The following CAMSAP1 variants were observed in gnomAD, a reference collection of about 807,000 sequenced individuals.
CAMSAP1 encodes calmodulin regulated spectrin associated protein 1.
CAMSAP1 carries 58 observed loss-of-function variants against 143.5 expected under a neutral mutation model. The observed-to-expected ratio is 0.40, with a 90% CI of 0.33 to 0.50. The LOEUF is 0.50. Among genes scored for constraint, CAMSAP1 ranks in the 20% least tolerant of loss-of-function variants. The pLI, the probability that CAMSAP1 is intolerant of heterozygous loss-of-function variation, is 0.45. For synonymous variants in CAMSAP1, 945 were observed against 859.3 expected, an observed-to-expected ratio of 1.10 and a Z score of -1.74; for missense variants, 1,969 against 2,115.7, an observed-to-expected ratio of 0.93 and a Z score of 1.36.
At position 135,821,731 on chromosome 9, in the gene CAMSAP1, T is replaced by C; in HGVS notation, c.2930A>G (p.Glu977Gly). Reference sequence around the variant, plus strand: ...ATGTTGCTGAGCAAAGGCCAGGCTCTCTTTGTCCACATCCTGTGGCTCGTG... The same window carrying C: ...ATGTTGCTGAGCAAAGGCCAGGCTCCCTTTGTCCACATCCTGTGGCTCGTG... Reference protein sequence around the residue: ...LLHEPQDVDKESLAFAQQHKA... With the variant: ...LLHEPQDVDKGSLAFAQQHKA... The change falls in exon 11 of 17, where the codon GAG becomes GGG. Residue 977 changes from glutamate to glycine, a missense_variant. Glu to Gly is a moderately conservative substitution (Grantham distance 98, BLOSUM62 -2). Transcript: ENST00000389532. This position sits in a 1 kb window ranked among gnomAD's most constrained non-coding sequence, Gnocchi z 4.6. 6.2e-7 allele frequency: 1 copy of C among 1,614,040 alleles called. No homozygotes were observed. The highest frequency in any genetic ancestry group is 8.5e-7 in the Non-Finnish European group (1 of 1,179,884).
intron 7 of CAMSAP1, among the ~76,000 whole-genome samples, chr9:135,843,973 TAGAA>T (rs1836460017): frequency 6.6e-6 from 1 of 150,876 alleles, no homozygotes; most frequent in Non-Finnish European, 1.5e-5. Flanking sequence ...CTTAGAGACC[TAGAA>T]AGAGACTTAC....
At chr9:135,898,051 T>TA (rs1215802098) in intron 1 of CAMSAP1, among the ~76,000 whole-genome samples, 2 of 152,130 alleles carry the variant, frequency 1.3e-5, no homozygotes, top group African/African-American at 4.8e-5. Context: ...ACTAGAGTCT[T>TA]ACATCAGAAA....
intron 5 of CAMSAP1, among the ~76,000 whole-genome samples, chr9:135,858,063 G>C (rs559081288): frequency 2.0e-5 from 3 of 151,856 alleles, no homozygotes; most frequent in African/African-American, 7.3e-5. Flanking sequence ...CTGTCCACCA[G>C]CATCCTTGGT....
chr9:135,816,062 C>G (rs1339721845), intron 14 of CAMSAP1, 57 bp from the exon 15 acceptor site: 1 of 1,538,634 alleles, frequency 6.5e-7, no homozygotes, highest in African/African-American at 1.4e-5. Context: ...CCTCTCACCA[C>G]TGCTGGCAAG....
rs1431097249 is a variant in CAMSAP1, at chr9:135,818,224, G to A, written c.4169-145C>T. 24 of 1,107,378 alleles carry A rather than the reference G, an allele frequency of 2.2e-5. No homozygotes were observed. The highest frequency in any genetic ancestry group is 2.9e-5 in the Non-Finnish European group (23 of 781,480). The allele number at this position is 1,107,378 out of a possible 1,614,324, so 68.6% of individuals were successfully genotyped here. On this transcript the variant is annotated intron_variant, in intron 13 of 16. Coordinates refer to ENST00000389532, the MANE Select transcript of CAMSAP1 (RefSeq NM_015447.4). This position sits in a 1 kb window ranked among gnomAD's most constrained non-coding sequence, Gnocchi z 7.7. Reference sequence around the variant, plus strand: ...ACCCCATCCCGGGGAGCCGGGCTGCGCCTGGATGTGCCGCACATCTCAGAG... The same window carrying A: ...ACCCCATCCCGGGGAGCCGGGCTGCACCTGGATGTGCCGCACATCTCAGAG...
chr9:135,900,236 C>G (rs1226385604), intron 1 of CAMSAP1, among the ~76,000 whole-genome samples: 1 of 152,062 alleles, frequency 6.6e-6, no homozygotes, highest in Non-Finnish European at 1.5e-5. Flanking sequence ...GTTGCCCAGG[C>G]TGGTCTCAAT....
intron 14 of CAMSAP1, 114 bp downstream of exon 14, chr9:135,817,863 T>G: frequency 1.3e-6 from 1 of 790,814 alleles, no homozygotes; most frequent in Non-Finnish European, 2.0e-6. Flanking sequence ...AATGTGAAAT[T>G]ATATCAAAAT....
intron 1 of CAMSAP1, among the ~76,000 whole-genome samples, chr9:135,886,318 A>G (rs1838120268): frequency 6.6e-6 from 1 of 152,186 alleles, no homozygotes; most frequent in Non-Finnish European, 1.5e-5. Flanking sequence ...GGTGTCACAC[A>G]GGATGAGTGC....
At chr9:135,873,204 A>G (rs1358032231) in intron 3 of CAMSAP1, among the ~76,000 whole-genome samples, 5 of 152,226 alleles carry the variant, frequency 3.3e-5, no homozygotes, top group Non-Finnish European at 5.9e-5. Context: ...GTATCTGAAA[A>G]TTAAACATCT....
chr9:135,824,289 A>G lies in CAMSAP1; in HGVS notation c.1316-255T>C, dbSNP rs1835593014. ...ACTCTGTGTCTACTACACAGAAGGT[A>G]ATTGCTCTCAACGATATTTTCACTG... On this transcript the variant is annotated intron_variant, in intron 9 of 16. Transcript: ENST00000389532. This position sits in a 1 kb window ranked among gnomAD's most constrained non-coding sequence, Gnocchi z 4.1. Among the ~76,000 whole-genome samples the G allele has an allele frequency of 1.3e-5, 2 of 152,198 alleles. No individual in the cohort carries two copies. The highest frequency in any genetic ancestry group is 1.3e-4 in the Admixed American group (2 of 15,286).
Position 135,817,957 on chromosome 9 carries a change from G to T in CAMSAP1, c.4271+20C>A. 1.2e-6 allele frequency: 2 copies of T among 1,610,372 alleles called. No individual in the cohort carries two copies. Among genetic ancestry groups the T allele is most frequent in the Non-Finnish European group, 8.5e-7 (1 of 1,177,092 alleles). Reference sequence around the variant, plus strand: ...GAACGTCCTCCAGCCCCGTGCCGGCGGCCGTCTCAGGCCCCTTACCGCTGA... The same window carrying T: ...GAACGTCCTCCAGCCCCGTGCCGGCTGCCGTCTCAGGCCCCTTACCGCTGA... On this transcript the variant is annotated intron_variant, in intron 14 of 16. Coordinates refer to ENST00000389532, the MANE Select transcript of CAMSAP1 (RefSeq NM_015447.4).
rs1337838834 is a variant in CAMSAP1, at chr9:135,809,770, G to C, written c.*1539C>G. 6.6e-6 allele frequency: 1 copy of C among 152,612 alleles called. No homozygotes were observed. The highest frequency in any genetic ancestry group is 2.4e-5 in the African/African-American group (1 of 41,436). 9.5% of individuals were successfully genotyped at this position (152,612 alleles called of 1,614,324 possible). On this transcript the variant is annotated 3_prime_UTR_variant, in exon 17 of 17. Coordinates refer to ENST00000389532, the MANE Select transcript of CAMSAP1 (RefSeq NM_015447.4). ...CCTTTAGTTCCCTATTTACAGGACAGAGAGCGGCTGTGTCGAACACGATAT... is the reference window on the plus strand; with the variant it reads ...CCTTTAGTTCCCTATTTACAGGACACAGAGCGGCTGTGTCGAACACGATAT...
intron 10 of CAMSAP1, among the ~76,000 whole-genome samples, chr9:135,823,506 T>A (rs374716005): frequency 5.9e-5 from 9 of 152,222 alleles, no homozygotes; most frequent in African/African-American, 2.2e-4. Flanking sequence ...AGAGCTTTTG[T>A]TTCTATTTAT....
chr9:135,861,414 A>G (rs192295621), intron 5 of CAMSAP1, among the ~76,000 whole-genome samples: 1,734 of 151,102 alleles, frequency 0.011, 31 homozygotes, highest in African/African-American at 0.04. Flanking sequence ...CCAGGTTCAG[A>G]CAATTCTCCT....
chr9:135,824,250 CT>C lies in CAMSAP1; in HGVS notation c.1316-217del. Reference sequence around the variant, plus strand: ...AGAGCTTCAGCATGTGTGAGCCCTGCTTATGTCGCAGTTACTCTGTGTCTAC... The same window carrying C: ...AGAGCTTCAGCATGTGTGAGCCCTGCTATGTCGCAGTTACTCTGTGTCTAC... On this transcript the variant is annotated intron_variant, in intron 9 of 16. Coordinates refer to ENST00000389532, the MANE Select transcript of CAMSAP1 (RefSeq NM_015447.4). The surrounding 1 kb of genome is among the most constrained non-coding windows in gnomAD (Gnocchi z 4.1). 6.6e-6 allele frequency among the ~76,000 whole-genome samples: 1 copy of C among 152,326 alleles called. No individual in the cohort carries two copies. Among genetic ancestry groups the C allele is most frequent in the East Asian group, 1.9e-4 (1 of 5,192 alleles).
intron 14 of CAMSAP1, 113 bp from the exon 15 acceptor site, chr9:135,816,118 G>C: frequency 1.1e-6 from 1 of 898,180 alleles, no homozygotes; most frequent in African/African-American, 1.6e-5. Context: ...CAGGGGAGGA[G>C]GCTTTCGGTG....
In CAMSAP1 at chr9:135,839,479, T is replaced by C. The variant is rs542025291; in HGVS notation, c.1045+10658A>G. On this transcript the variant is annotated intron_variant, in intron 7 of 16. Coordinates refer to ENST00000389532, the MANE Select transcript of CAMSAP1 (RefSeq NM_015447.4). Reference sequence around the variant, plus strand: ...ACATCCCATGGCCTACAGGTATCAGTGGAGGGAGAACATGCCACAGGAGTC... The same window carrying C: ...ACATCCCATGGCCTACAGGTATCAGCGGAGGGAGAACATGCCACAGGAGTC... 4.2e-4 allele frequency among the ~76,000 whole-genome samples: 64 copies of C among 152,024 alleles called. 1 individual carries two copies. Among genetic ancestry groups the C allele is most frequent in the African/African-American group, 4.8e-5 (2 of 41,464 alleles).
intron 1 of CAMSAP1, among the ~76,000 whole-genome samples, chr9:135,891,116 AC>A (rs1806081191): frequency 6.6e-6 from 1 of 151,892 alleles, no homozygotes. Flanking sequence ...TCAGAGAGAA[AC>A]CCTGTCTTTC....
Position 135,811,305 on chromosome 9 carries a change from G to C in CAMSAP1, c.*4C>G, listed in dbSNP as rs374443066. 6.2e-7 allele frequency: 1 copy of C among 1,610,476 alleles called. No homozygotes were observed. Among genetic ancestry groups the C allele is most frequent in the Non-Finnish European group, 8.5e-7 (1 of 1,177,926 alleles). ...TCACCCTTTGGACGCCAGCTGCACCGGGGTCATTTACGAGTCTGGGCCTTC... is the reference window on the plus strand; with the variant it reads ...TCACCCTTTGGACGCCAGCTGCACCCGGGTCATTTACGAGTCTGGGCCTTC... On this transcript the variant is annotated 3_prime_UTR_variant, in exon 17 of 17. Transcript: ENST00000389532. This position sits in a 1 kb window ranked among gnomAD's most constrained non-coding sequence, Gnocchi z 4.9.
Sources: allele counts gnomAD v4.1 joint callset (sites outside exome capture counted in the v4.1 genomes callset), GRCh38; gene constraint gnomAD v4.1.1; non-coding constraint Gnocchi (gnomAD v3.1); transcripts MANE v1.5; gene names NCBI Gene and HGNC (gene_info 2026-07-23, HGNC 2026-07-21).